NBEAL2: variants seen among roughly 807,000 people sequenced by gnomAD.
NBEAL2 encodes neurobeachin like 2, also known as neurobeachin-like protein 2.
A neutral mutation model predicts 299.8 loss-of-function variants in NBEAL2; 160 were observed. The observed-to-expected ratio is 0.53, with a 90% CI of 0.47 to 0.61. NBEAL2 has a LOEUF of 0.61. NBEAL2 is among the 20% of genes least tolerant of loss of function. NBEAL2 has a pLI of 0.00. For synonymous variants in NBEAL2, 1,493 were observed against 1,542.3 expected, an observed-to-expected ratio of 0.97 and a Z score of 0.75; for missense variants, 3,112 against 3,649.0, an observed-to-expected ratio of 0.85 and a Z score of 3.79.
At chr3:47,005,454 C>T in intron 40 of NBEAL2, 35 bp from the exon 41 acceptor site, 1 of 1,603,292 alleles carries the variant, frequency 6.2e-7, no homozygotes, top group Non-Finnish European at 8.5e-7. Context: ...TCTCCATTCT[C>T]CCCACCTCAC....
At chr3:46,990,585 A>G (rs867257947) in intron 6 of NBEAL2, among the ~76,000 whole-genome samples, 1 of 152,204 alleles carries the variant, frequency 6.6e-6, no homozygotes, top group South Asian at 2.1e-4. Context: ...TCCAGCCGGA[A>G]TCAAGCCCCA....
rs374112223 is a variant in NBEAL2 at position 47,005,938 on chromosome 3, A to C, written c.6802-8A>C. The C allele has an allele frequency of 1.2e-6, 2 of 1,613,210 alleles. No individual in the cohort carries two copies. The highest frequency in any genetic ancestry group is 2.7e-5 in the African/African-American group (2 of 74,840). ...TCCCTGCACTGATTGCTGCCTCCCTACTCTCAGGAGTCGGAGTATGTGTCT... is the reference window on the plus strand; with the variant it reads ...TCCCTGCACTGATTGCTGCCTCCCTCCTCTCAGGAGTCGGAGTATGTGTCT... On this transcript the variant is annotated splice_polypyrimidine_tract_variant and splice_region_variant and intron_variant, in intron 42 of 53. Transcript: ENST00000450053.
At chr3:46,986,389 G>C (rs2035673619) in intron 1 of NBEAL2, among the ~76,000 whole-genome samples, 1 of 152,214 alleles carries the variant, frequency 6.6e-6, no homozygotes. Flanking sequence ...GTCACACAAG[G>C]CAGTGGGGCA....
rs199842407 is a variant in NBEAL2, at chr3:47,000,287, G to A, written c.4188G>A (p.Arg1396=). The A allele has an allele frequency of 6.9e-5, 111 of 1,612,622 alleles. 2 individuals carry two copies. In the African/African-American group the frequency reaches 1.2e-3, roughly 17 times the overall value. ...CTCCTTCGCCACTGGATGGGCCGCG[G>A]CCCTTTCCTGCTGCTCCTGGCCGCC... ...PGTPSPLDGP[R]PFPAAPGRHS... Residue 1396 remains arginine (R), a synonymous_variant, in exon 27 of 54, where the codon CGG becomes CGA. Coordinates refer to ENST00000450053, the MANE Select transcript of NBEAL2 (RefSeq NM_015175.3). The surrounding 1 kb of genome is among the most constrained non-coding windows in gnomAD (Gnocchi z 4.5).
At position 46,997,680 on chromosome 3, in the gene NBEAL2, G is replaced by A; in HGVS notation, c.2944G>A (p.Ala982Thr). The change falls in exon 20 of 54, where the codon GCC (alanine) becomes ACC (threonine). Residue 982 changes from alanine to threonine, a missense_variant. This residue lies in a region of NBEAL2 where 2,243 missense variants were observed against 2,538.1 expected (regional missense o/e 0.88). Coordinates refer to ENST00000450053, the MANE Select transcript of NBEAL2 (RefSeq NM_015175.3). ...VQCQGPAIIG[A>T]LLRKVPSWAM... is the part of the protein sequence containing the mutation. The stretch of plus-strand genomic sequence containing the variant: ...GTGCCAGGGGCCTGCCATCATCGGG[G>A]CCCTCCTGCGAAAGGTGGGGCCCGG... The A allele has an allele frequency of 6.5e-7, 1 of 1,541,064 alleles. No homozygotes were observed. Among genetic ancestry groups the A allele is most frequent in the Non-Finnish European group, 8.8e-7 (1 of 1,140,500 alleles).
rs1265615970 is a variant in NBEAL2, at chr3:47,005,039, A to C, written c.6362A>C (p.Asp2121Ala). The C allele has an allele frequency of 6.2e-7, 1 of 1,613,242 alleles. No homozygotes were observed. Among genetic ancestry groups the C allele is most frequent in the Non-Finnish European group, 8.5e-7 (1 of 1,179,660 alleles). Residue 2121 changes from aspartate to alanine, a missense_variant, in exon 39 of 54, where the codon GAC (aspartate) becomes GCC (alanine). By Grantham distance (126) the Asp-to-Ala change is moderately radical. Transcript: ENST00000450053. ...CTCAGCAACCCAGCCGTCTTCCGGG[A>C]CCTGTCTAAGCCCATCGGTGTGGTG... ...LDLSNPAVFR[D>A]LSKPIGVVNP...
At position 46,988,456 on chromosome 3, in the gene NBEAL2, A is replaced by C. The variant is rs370377576; in HGVS notation, c.52-213A>C. On this transcript the variant is annotated intron_variant, in intron 1 of 53. Coordinates refer to ENST00000450053, the MANE Select transcript of NBEAL2 (RefSeq NM_015175.3). This position sits in a 1 kb window ranked among gnomAD's most constrained non-coding sequence, Gnocchi z 4.4. ...GTGCCTGGAAAAGTGGTCAGTATGT[A>C]CCTAACTCTCTGATGCTGACCTTCC... Among the ~76,000 whole-genome samples the C allele has an allele frequency of 2.0e-5, 3 of 151,942 alleles. No homozygotes were observed. In the South Asian group the frequency reaches 6.2e-4, roughly 31 times the overall value.
chr3:46,996,421 TG>T lies in NBEAL2; in HGVS notation c.2307del (p.Ser770ProfsTer49). On this transcript the variant is annotated frameshift_variant, in exon 16 of 54. Coordinates refer to ENST00000450053, the MANE Select transcript of NBEAL2 (RefSeq NM_015175.3). LOFTEE classifies it high-confidence loss of function. ...QSVPASTGLG[W>X]GSGLVAPLQE... ...AGTCCCAGCCTCCACAGGGCTTGGCTGGGGGTCCGGGCTGGTGGCCCCCCTG... is the reference window on the plus strand; with the variant it reads ...AGTCCCAGCCTCCACAGGGCTTGGCTGGGGTCCGGGCTGGTGGCCCCCCTG... The T allele has an allele frequency of 6.2e-7, 1 of 1,610,560 alleles. No homozygotes were observed. Among genetic ancestry groups the T allele is most frequent in the Middle Eastern group, 1.7e-4 (1 of 6,056 alleles).
At chr3:46,990,296 C>T (rs190402795) in intron 6 of NBEAL2, among the ~76,000 whole-genome samples, 2 of 152,288 alleles carry the variant, frequency 1.3e-5, no homozygotes, top group East Asian at 3.9e-4. Context: ...ACTTTATTTT[C>T]CCATAGCCTG....
chr3:46,987,963 CG>C (rs888419673), intron 1 of NBEAL2: 2 of 1,269,326 alleles, frequency 1.6e-6, no homozygotes, highest in Non-Finnish European at 2.0e-6. Flanking sequence ...GCCCCAGCCC[CG>C]GGGCGGGAGG....
chr3:47,003,961 G>A lies in NBEAL2; in HGVS notation c.5866G>A (p.Val1956Met), dbSNP rs373495718. ...CTTCTACGATGGCAGCACTGAGCGC[G>A]TGGAAACCGAGGAGGGTGCGTCCTG... is the stretch of plus-strand genomic sequence containing the variant. ...VYFYDGSTER[V>M]ETEEGIGYDF... The change falls in exon 36 of 54, where the codon GTG (valine) becomes ATG (methionine). Residue 1956 changes from valine to methionine, a missense_variant. Transcript: ENST00000450053. This position sits in a 1 kb window ranked among gnomAD's most constrained non-coding sequence, Gnocchi z 7.0. 63 of 1,613,410 alleles carry A rather than the reference G, an allele frequency of 3.9e-5. No individual in the cohort carries two copies. The highest frequency in any genetic ancestry group is 1.3e-4 in the South Asian group (12 of 91,070).
At position 47,009,342 on chromosome 3, in the gene NBEAL2, G is replaced by A; in HGVS notation, c.*22G>A. 1 of 1,564,706 alleles carries A rather than the reference G, an allele frequency of 6.4e-7. No homozygotes were observed. The highest frequency in any genetic ancestry group is 8.7e-7 in the Non-Finnish European group (1 of 1,154,728). On this transcript the variant is annotated 3_prime_UTR_variant, in exon 54 of 54. Coordinates refer to ENST00000450053, the MANE Select transcript of NBEAL2 (RefSeq NM_015175.3). ...CTGAACCTGGCCAGTCCGGCTGCTC[G>A]GGCCCCGCCCCCGGCAGGCCTGGCC... is the stretch of plus-strand genomic sequence containing the variant.
At chr3:46,981,167 G>A (rs1461899676) in intron 1 of NBEAL2, among the ~76,000 whole-genome samples, 2 of 151,632 alleles carry the variant, frequency 1.3e-5, no homozygotes, top group East Asian at 1.9e-4. Context: ...AGCCCTGGCC[G>A]GGCACGGTGG....
At chr3:47,007,439 A>C in intron 47 of NBEAL2, 86 bp from the exon 48 acceptor site, 1 of 1,555,888 alleles carries the variant, frequency 6.4e-7, no homozygotes, top group Non-Finnish European at 8.7e-7. Flanking sequence ...GGCCAGCTGC[A>C]GGGGAAAGGT....
In NBEAL2 at chr3:46,988,339, T is replaced by TA. The variant is rs2035824843; in HGVS notation, c.52-329dup. ...GTGTGGGCCACAGCCACACCCCACTTACGCCCCTCCCCTGGCTGTGTCAGA... is the reference window on the plus strand; with the variant it reads ...GTGTGGGCCACAGCCACACCCCACTTAACGCCCCTCCCCTGGCTGTGTCAGA... On this transcript the variant is annotated intron_variant, in intron 1 of 53. Transcript: ENST00000450053. This position sits in a 1 kb window ranked among gnomAD's most constrained non-coding sequence, Gnocchi z 4.4. 6.6e-6 allele frequency among the ~76,000 whole-genome samples: 1 copy of TA among 152,068 alleles called. No homozygotes were observed. The highest frequency in any genetic ancestry group is 2.4e-5 in the African/African-American group (1 of 41,396).
chr3:46,996,012 G>A lies in NBEAL2; in HGVS notation c.2112G>A (p.Leu704=). 3 of 1,612,082 alleles carry A rather than the reference G, an allele frequency of 1.9e-6. No individual in the cohort carries two copies. Among genetic ancestry groups the A allele is most frequent in the Non-Finnish European group, 2.5e-6 (3 of 1,179,292 alleles). The change falls in exon 15 of 54, where the codon CTG becomes CTA. Residue 704 remains leucine, a synonymous_variant. Coordinates refer to ENST00000450053, the MANE Select transcript of NBEAL2 (RefSeq NM_015175.3). The part of the protein sequence containing the change: ...NLVHVYKDGH[L]VKTAPLRCPS... ...TCCATGTCTACAAAGACGGCCATCT[G>A]GTCAAGACAGCACCCCTTCGCTGCC...
Position 46,989,360 on chromosome 3 carries a change from C to T in NBEAL2, c.452C>T (p.Thr151Ile). ...GAGGGCCTCTTTGACCCTTACCAAA[C>T]CTGGCGGCGCCAGCGCAGTGGGTGA... ...LCEGLFDPYQ[T>I]WRRQRSGEVI... The change falls in exon 5 of 54, where the codon ACC becomes ATC. Residue 151 changes from threonine to isoleucine, a missense_variant. Transcript: ENST00000450053. This position sits in a 1 kb window ranked among gnomAD's most constrained non-coding sequence, Gnocchi z 5.5. 1 of 1,580,952 alleles carries T rather than the reference C, an allele frequency of 6.3e-7. No individual in the cohort carries two copies. Among genetic ancestry groups the T allele is most frequent in the Non-Finnish European group, 8.6e-7 (1 of 1,163,580 alleles).
intron 19 of NBEAL2, 22 bp downstream of exon 19, chr3:46,997,455 G>A (rs762024781): frequency 2.5e-6 from 4 of 1,602,132 alleles, no homozygotes; most frequent in Admixed American, 1.7e-5. Context: ...TGGTGCCTAT[G>A]TTGTGGAGAG....
chr3:46,994,687 C>T, intron 12 of NBEAL2, 134 bp downstream of exon 12: 1 of 802,530 alleles, frequency 1.2e-6, no homozygotes, highest in Non-Finnish European at 2.0e-6. Flanking sequence ...GTAGCCTGGC[C>T]ATGTCTGTTA....
Sources: allele counts gnomAD v4.1 joint callset (sites outside exome capture counted in the v4.1 genomes callset), GRCh38; gene constraint gnomAD v4.1.1; regional missense constraint gnomAD v4.1.1; non-coding constraint Gnocchi (gnomAD v3.1); transcripts MANE v1.5; gene names NCBI Gene and HGNC (gene_info 2026-07-23, HGNC 2026-07-21).